The following OGDH variants were observed in gnomAD, a reference collection of about 807,000 sequenced individuals.
OGDH encodes oxoglutarate dehydrogenase.
A neutral mutation model predicts 116.6 loss-of-function variants in OGDH; 38 were observed. That is an observed-to-expected ratio of 0.33 (90% CI 0.25 to 0.43). The LOEUF (loss-of-function observed/expected upper bound fraction) is 0.43, where lower values mean the gene tolerates loss of function less well. Among genes scored for constraint, OGDH ranks in the 20% least tolerant of loss-of-function variants. OGDH has a pLI of 1.00. For missense variants in OGDH, 825 were observed against 1,357.2 expected (o/e 0.61, Z 6.16); for synonymous variants, 488 against 533.3 (o/e 0.92, Z 1.17).
At chr7:44,626,028 G>A (rs575516149) in intron 2 of OGDH, among the ~76,000 whole-genome samples, 12 of 152,158 alleles carry the variant, frequency 7.9e-5, no homozygotes, top group African/African-American at 2.2e-4. Context: ...TGGGCCACCA[G>A]GTCCCATTTT....
Position 44,693,827 on chromosome 7 carries a change from C to A in OGDH, c.1338C>A (p.Ile446=). The part of the protein sequence containing the change: ...GTVHVVVNNQ[I]GFTTDPRMAR... ...GCTAGGCTACATGTTCCTTGCAGAT[C>A]GGCTTCACCACCGACCCTCGGATGG... Residue 446 remains isoleucine (I), a splice_region_variant and synonymous_variant, in exon 11 of 23, where the codon ATC becomes ATA. Transcript: ENST00000222673. The A allele has an allele frequency of 6.3e-7, 1 of 1,583,116 alleles. No individual in the cohort carries two copies. Among genetic ancestry groups the A allele is most frequent in the Admixed American group, 1.7e-5 (1 of 58,488 alleles).
intron 8 of OGDH, 26 bp downstream of exon 8, chr7:44,675,294 C>T: frequency 6.3e-7 from 1 of 1,576,590 alleles, no homozygotes; most frequent in Non-Finnish European, 8.7e-7. Context: ...AGAGACACAT[C>T]CAGCATAGCC....
chr7:44,687,579 C>T (rs1281672216), intron 10 of OGDH, among the ~76,000 whole-genome samples: 1 of 151,856 alleles, frequency 6.6e-6, no homozygotes, highest in Non-Finnish European at 1.5e-5. Flanking sequence ...CCACACCTGG[C>T]TAATTTTTAT....
chr7:44,618,278 A>T (rs1345077664), intron 1 of OGDH, among the ~76,000 whole-genome samples: 1 of 152,168 alleles, frequency 6.6e-6, no homozygotes, highest in Non-Finnish European at 1.5e-5. Context: ...CACTCATTTA[A>T]ATTGTAAGGT....
chr7:44,674,372 G>A (rs1562661154), intron 6 of OGDH, 39 bp from the exon 7 acceptor site: 1 of 1,613,210 alleles, frequency 6.2e-7, no homozygotes, highest in Non-Finnish European at 8.5e-7. Flanking sequence ...GTCAGGAAGA[G>A]TGACATTGCC....
At chr7:44,629,098 G>T (rs956321420) in intron 2 of OGDH, among the ~76,000 whole-genome samples, 5 of 152,220 alleles carry the variant, frequency 3.3e-5, no homozygotes, top group Non-Finnish European at 7.3e-5. Flanking sequence ...ATCAAATGAT[G>T]ACATCTTTAT....
intron 1 of OGDH, among the ~76,000 whole-genome samples, chr7:44,610,612 T>TTTTG (rs1408982870): frequency 1.5e-4 from 22 of 151,184 alleles, no homozygotes; most frequent in East Asian, 7.8e-4. Context: ...CTTTTCATCT[T>TTTTG]TTTGTTTGTT....
Position 44,676,600 on chromosome 7 carries a change from A to ATG in OGDH, c.1206+465_1206+466dup, listed in dbSNP as rs58138952. ...ATAAAAAATATATGTATATGTATGT[A>ATG]TGTGTGTGTGTGTGTATATATATAT... On this transcript the variant is annotated intron_variant, in intron 9 of 22. Coordinates refer to ENST00000222673, the MANE Select transcript of OGDH (RefSeq NM_002541.4). 318 of 163,948 alleles carry ATG rather than the reference A, an allele frequency of 1.9e-3. 4 individuals are homozygous for ATG. The highest frequency in any genetic ancestry group is 5.4e-3 in the East Asian group (29 of 5,394). 10.2% of individuals were successfully genotyped at this position (163,948 alleles called of 1,614,324 possible). A position where few individuals can be genotyped will look rare whatever the true frequency, so the allele number is the denominator to read the frequency against.
intron 5 of OGDH, among the ~76,000 whole-genome samples, chr7:44,671,629 G>T (rs762296406): frequency 6.6e-6 from 1 of 151,158 alleles, no homozygotes; most frequent in African/African-American, 2.4e-5. Flanking sequence ...TTAGCCGGGC[G>T]TGGTGGCATG....
intron 4 of OGDH, among the ~76,000 whole-genome samples, chr7:44,650,054 T>TGA (rs1257998597): frequency 2.0e-5 from 3 of 151,200 alleles, no homozygotes; most frequent in Non-Finnish European, 4.4e-5. Flanking sequence ...TTGGAACCAC[T>TGA]GAGAGAGAGA....
rs1788490018 is a variant in OGDH, at chr7:44,694,347, T to C, written c.1516-77T>C. 6 of 1,560,024 alleles carry C rather than the reference T, an allele frequency of 3.8e-6. No homozygotes were observed. The highest frequency in any genetic ancestry group is 2.3e-5 in the South Asian group (2 of 85,664). ...GAACGTGGCCATCACCTAGGAGAGA[T>C]GGGGCAGGTGCCTGAACAGCACTTC... is the stretch of plus-strand genomic sequence containing the variant. On this transcript the variant is annotated intron_variant, in intron 11 of 22. Transcript: ENST00000222673. This position sits in a 1 kb window ranked among gnomAD's most constrained non-coding sequence, Gnocchi z 4.2.
At chr7:44,642,086 G>C (rs6956755) in intron 2 of OGDH, among the ~76,000 whole-genome samples, 5 of 152,044 alleles carry the variant, frequency 3.3e-5, no homozygotes, top group Non-Finnish European at 5.9e-5. Context: ...CCAAACCCTG[G>C]GTTTCTTTAG....
chr7:44,705,046 A>ATTTTTTTTTTT (rs1585406047), intron 20 of OGDH, among the ~76,000 whole-genome samples: 11 of 87,664 alleles, frequency 1.3e-4, no homozygotes, highest in South Asian at 7.1e-4. Context: ...AAAGTTTTTA[A>ATTTTTTTTTTT]TTTTCTTTTT....
In OGDH at chr7:44,617,443, C is replaced by T. The variant is rs567856712; in HGVS notation, c.-27-6874C>T. 6.2e-4 allele frequency among the ~76,000 whole-genome samples: 94 copies of T among 152,180 alleles called. 1 individual carries two copies. Among genetic ancestry groups the T allele is most frequent in the South Asian group, 4.2e-4 (2 of 4,818 alleles). On this transcript the variant is annotated intron_variant, in intron 1 of 22. Coordinates refer to ENST00000222673, the MANE Select transcript of OGDH (RefSeq NM_002541.4). ...TGGTGTCACACGGTCTCTGTACCTG[C>T]AGGCTCAACAATTGTTTCCATCTAG...
intron 1 of OGDH, among the ~76,000 whole-genome samples, chr7:44,616,726 C>T (rs1784788553): frequency 7.4e-6 from 1 of 135,198 alleles, no homozygotes; most frequent in African/African-American, 3.1e-5. Context: ...TGTATATATA[C>T]ACATATATAC....
intron 5 of OGDH, among the ~76,000 whole-genome samples, chr7:44,667,965 ATGGC>A (rs1787257461): frequency 6.6e-6 from 1 of 152,238 alleles, no homozygotes; most frequent in African/African-American, 2.4e-5. Flanking sequence ...TGTTCCTCTC[ATGGC>A]TGGACATTAG....
At chr7:44,634,382 C>T (rs956899055) in intron 2 of OGDH, among the ~76,000 whole-genome samples, 1 of 152,192 alleles carries the variant, frequency 6.6e-6, no homozygotes, top group Non-Finnish European at 1.5e-5. Flanking sequence ...GACAGCCCTC[C>T]ACAGCTCTTT....
At chr7:44,664,917 C>T (rs1787114659) in intron 4 of OGDH, among the ~76,000 whole-genome samples, 1 of 152,194 alleles carries the variant, frequency 6.6e-6, no homozygotes, top group South Asian at 2.1e-4. Context: ...TATCTGTAGG[C>T]ACCTACTTCA....
At chr7:44,700,315 C>T (rs749672098) in intron 19 of OGDH, 46 bp downstream of exon 19, 24 of 1,608,330 alleles carry the variant, frequency 1.5e-5, no homozygotes, top group Non-Finnish European at 2.0e-5. Flanking sequence ...TGGCCCTGCC[C>T]TGTTGGTGCA....
Sources: allele counts gnomAD v4.1 joint callset (sites outside exome capture counted in the v4.1 genomes callset), GRCh38; gene constraint gnomAD v4.1.1; non-coding constraint Gnocchi (gnomAD v3.1); transcripts MANE v1.5; gene names NCBI Gene and HGNC (gene_info 2026-07-23, HGNC 2026-07-21).